DISC1: variants seen among roughly 807,000 people sequenced by gnomAD.
DISC1 encodes the protein disrupted in schizophrenia 1 protein.
Under a neutral mutation model 84.5 loss-of-function variants are expected in DISC1, and 57 were observed. The ratio of observed to expected loss-of-function variants is 0.67; its 90% CI spans 0.55 to 0.84. The LOEUF is 0.84. Ranked by LOEUF, DISC1 falls within the 40% of genes least tolerant of loss-of-function variation. The probability of loss-of-function intolerance (pLI) is 0.00; values close to 1 mark genes in which losing one functional copy is unlikely to be tolerated. For missense variants in DISC1, 1,000 were observed against 1,057.8 expected, an observed-to-expected ratio of 0.95 and a Z score of 0.76; for synonymous variants, 411 against 415.2, an observed-to-expected ratio of 0.99 and a Z score of 0.12.
intron 9 of DISC1, among the ~76,000 whole-genome samples, chr1:231,841,517 C>T (rs898119062): frequency 1.3e-5 from 2 of 152,256 alleles, no homozygotes; most frequent in Admixed American, 6.5e-5. Flanking sequence ...CTCTGTGCAT[C>T]ATGCTGGTGC....
chr1:231,834,682 TG>T (rs1325093839), intron 9 of DISC1, among the ~76,000 whole-genome samples: 1 of 141,374 alleles, frequency 7.1e-6, no homozygotes, highest in African/African-American at 2.7e-5. Flanking sequence ...AAGGGGGCAA[TG>T]GGGGGCAGAA....
chr1:231,783,076 T>C (rs2077556077), intron 6 of DISC1, among the ~76,000 whole-genome samples: 1 of 152,170 alleles, frequency 6.6e-6, no homozygotes, highest in South Asian at 2.1e-4. Flanking sequence ...AATGGAAATA[T>C]GAAGTTGCCT....
intron 1 of DISC1, among the ~76,000 whole-genome samples, chr1:231,633,906 C>T (rs1397038613): frequency 1.8e-4 from 20 of 112,134 alleles, no homozygotes; most frequent in African/African-American, 4.9e-4. Flanking sequence ...TTTTTTGAAA[C>T]GGAGTCTTGC....
intron 10 of DISC1, among the ~76,000 whole-genome samples, chr1:231,991,201 G>A (rs1040116459): frequency 2.6e-5 from 4 of 152,206 alleles, no homozygotes; most frequent in African/African-American, 7.2e-5. Context: ...TTGGGTGAGA[G>A]CTTGTTAGCA....
At chr1:231,712,090 G>T (rs111527424) in intron 3 of DISC1, among the ~76,000 whole-genome samples, 1 of 152,192 alleles carries the variant, frequency 6.6e-6, no homozygotes, top group Non-Finnish European at 1.5e-5. Flanking sequence ...CAGAGGCAGG[G>T]ATTGGAGTGG....
At chr1:231,863,528 GC>G (rs2084834336) in intron 9 of DISC1, among the ~76,000 whole-genome samples, 1 of 152,090 alleles carries the variant, frequency 6.6e-6, no homozygotes, top group South Asian at 2.1e-4. Flanking sequence ...ACCGCGCCTG[GC>G]CTAAAACATT....
At chr1:231,727,338 G>A (rs576075939) in intron 3 of DISC1, among the ~76,000 whole-genome samples, 6 of 152,138 alleles carry the variant, frequency 3.9e-5, no homozygotes, top group African/African-American at 1.4e-4. Flanking sequence ...TTCCTCAGAG[G>A]GCTTAATGAC....
chr1:231,949,245 C>T (rs1388218744), intron 9 of DISC1, among the ~76,000 whole-genome samples: 1 of 152,164 alleles, frequency 6.6e-6, no homozygotes, highest in African/African-American at 2.4e-5. Context: ...GAGGAGACCT[C>T]TGTGTGTGTC....
At chr1:231,699,496 C>A (rs529697587) in intron 2 of DISC1, among the ~76,000 whole-genome samples, 6 of 152,258 alleles carry the variant, frequency 3.9e-5, no homozygotes, top group Non-Finnish European at 8.8e-5. Context: ...TCAGACCCCA[C>A]CTGTGATGTA....
chr1:231,669,257 A>G (rs915256186), intron 1 of DISC1, among the ~76,000 whole-genome samples: 4 of 152,356 alleles, frequency 2.6e-5, no homozygotes, highest in Non-Finnish European at 5.9e-5. Flanking sequence ...AGGGGTTATC[A>G]AAACTATAAA....
chr1:231,642,593 G>C (rs1216342154), intron 1 of DISC1, among the ~76,000 whole-genome samples: 1 of 152,212 alleles, frequency 6.6e-6, no homozygotes, highest in Non-Finnish European at 1.5e-5. Flanking sequence ...AGGAGTTACA[G>C]TTCTAGGCCC....
At chr1:231,932,967 A>G (rs1572151874) in intron 9 of DISC1, among the ~76,000 whole-genome samples, 1 of 152,230 alleles carries the variant, frequency 6.6e-6, no homozygotes. Flanking sequence ...TCCTAATAAA[A>G]ACATCCAATG....
intron 9 of DISC1, among the ~76,000 whole-genome samples, chr1:231,936,140 C>T (rs904253506): frequency 6.6e-6 from 1 of 152,182 alleles, no homozygotes; most frequent in African/African-American, 2.4e-5. Flanking sequence ...GACCTCCCAA[C>T]ATTCTGGTTC....
chr1:231,719,458 G>A (rs1384994395), intron 3 of DISC1, among the ~76,000 whole-genome samples: 1 of 152,128 alleles, frequency 6.6e-6, no homozygotes, highest in Non-Finnish European at 1.5e-5. Flanking sequence ...CGCTTTTCAG[G>A]TCAACCTTGT....
rs921118118 is a variant in DISC1, at chr1:231,630,575, G to A, written c.67+3641G>A. 6.6e-6 allele frequency among the ~76,000 whole-genome samples: 1 copy of A among 152,040 alleles called. No homozygotes were observed. Among genetic ancestry groups the A allele is most frequent in the African/African-American group, 2.4e-5 (1 of 41,392 alleles). On this transcript the variant is annotated intron_variant, in intron 1 of 12. Coordinates refer to ENST00000439617, the MANE Select transcript of DISC1 (RefSeq NM_018662.3). This position sits in a 1 kb window ranked among gnomAD's most constrained non-coding sequence, Gnocchi z 4.4. ...TTGGCAGCCACCCTGGGTTGAGGAG[G>A]GTCCCCTCCTGGCACAGCTGGAACC...
intron 3 of DISC1, among the ~76,000 whole-genome samples, chr1:231,702,849 A>G (rs193213971): frequency 1.8e-4 from 27 of 152,170 alleles, no homozygotes; most frequent in Admixed American, 5.2e-4. Context: ...GGTGTGGGAA[A>G]GAGAAAGGGC....
At chr1:231,645,693 C>G (rs140030282) in intron 1 of DISC1, among the ~76,000 whole-genome samples, 5 of 151,862 alleles carry the variant, frequency 3.3e-5, no homozygotes, top group African/African-American at 7.2e-5. Flanking sequence ...CCCCAGTGTG[C>G]GATGTTCCCT....
intron 9 of DISC1, among the ~76,000 whole-genome samples, chr1:231,908,792 C>G (rs976228225): frequency 1.3e-5 from 2 of 152,184 alleles, no homozygotes; most frequent in Admixed American, 1.3e-4. Flanking sequence ...TTGATTCTTC[C>G]TATCCATGAG....
rs201181220 is a variant in DISC1, at chr1:231,716,317, A to C, written c.1117+14293A>C. Among the ~76,000 whole-genome samples the C allele has an allele frequency of 2.8e-4, 12 of 42,620 alleles. No individual in the cohort carries two copies. The East Asian group carries it at 8.1e-3, about 29-fold the overall frequency. 28.0% of individuals were successfully genotyped at this position (42,620 alleles called of 152,430 possible). On this transcript the variant is annotated intron_variant, in intron 3 of 12. Transcript: ENST00000439617. Reference sequence around the variant, plus strand: ...CATAGCCTGATTTCTTTCAATCTGCAAAAAAAAAAAAAAAAAAAAAAAATT... The same window carrying C: ...CATAGCCTGATTTCTTTCAATCTGCCAAAAAAAAAAAAAAAAAAAAAAATT...
Sources: gnomAD v4.1 joint callset for allele counts (sites outside exome capture counted in the v4.1 genomes callset) on GRCh38, gnomAD v4.1.1 for gene constraint, Gnocchi (gnomAD v3.1) non-coding constraint, MANE v1.5 for transcripts, NCBI Gene and HGNC (gene_info 2026-07-23, HGNC 2026-07-21) for gene names.